CADM2: variants seen among roughly 807,000 people sequenced by gnomAD.
The protein encoded by CADM2 is immunoglobulin superfamily member 4D.
In CADM2, 12 loss-of-function variants were observed where a neutral mutation model predicts 49.8. The observed-to-expected ratio is 0.24, with a 90% CI of 0.15 to 0.39. CADM2 has a LOEUF of 0.39. CADM2 is among the 10% of genes least tolerant of loss of function. The pLI is 1.00. For synonymous variants in CADM2, 214 were observed against 175.4 expected, an observed-to-expected ratio of 1.22 and a Z score of -1.74; for missense variants, 378 against 492.3, an observed-to-expected ratio of 0.77 and a Z score of 2.20.
chr3:85,831,120 T>C (rs1437773144), intron 3 of CADM2, among the ~76,000 whole-genome samples: 2 of 151,886 alleles, frequency 1.3e-5, no homozygotes, highest in South Asian at 2.1e-4. Context: ...GTTAATTCGC[T>C]TAGGATAATG....
chr3:85,950,829 C>T (rs1723344116), intron 7 of CADM2, among the ~76,000 whole-genome samples: 1 of 151,156 alleles, frequency 6.6e-6, no homozygotes, highest in South Asian at 2.1e-4. Flanking sequence ...ACTCCTCCTA[C>T]TTGACACTAT....
chr3:85,324,470 A>C (rs541309848), intron 1 of CADM2, among the ~76,000 whole-genome samples: 1 of 152,304 alleles, frequency 6.6e-6, no homozygotes, highest in South Asian at 2.1e-4. Context: ...TGAAAAAAGT[A>C]CATCACCAAA....
At chr3:85,120,888 C>T (rs2038840764) in intron 1 of CADM2, among the ~76,000 whole-genome samples, 1 of 152,142 alleles carries the variant, frequency 6.6e-6, no homozygotes. Flanking sequence ...TGGTAAGATT[C>T]ACTCGACAAA....
intron 5 of CADM2, among the ~76,000 whole-genome samples, chr3:85,892,170 T>A (rs904961647): frequency 2.0e-5 from 3 of 152,160 alleles, no homozygotes; most frequent in African/African-American, 7.2e-5. Flanking sequence ...AACTAATGGA[T>A]GACAATGGAA....
intron 8 of CADM2, among the ~76,000 whole-genome samples, chr3:85,967,981 A>G (rs376320819): frequency 6.6e-6 from 1 of 151,554 alleles, no homozygotes; most frequent in Non-Finnish European, 1.5e-5. Context: ...CGTAATGAGC[A>G]TTTTTCCTTT....
At chr3:85,650,834 G>T (rs985925320) in intron 1 of CADM2, among the ~76,000 whole-genome samples, 2 of 150,384 alleles carry the variant, frequency 1.3e-5, no homozygotes, top group African/African-American at 4.9e-5. Context: ...CACCATAAAT[G>T]TTAATTTTCA....
intron 6 of CADM2, among the ~76,000 whole-genome samples, chr3:85,928,243 C>T (rs776057610): frequency 3.4e-4 from 52 of 151,542 alleles, no homozygotes; most frequent in East Asian, 1.2e-3. Flanking sequence ...ACTGTAACCT[C>T]CGCCTCCCGG....
At chr3:84,988,915 A>G (rs1575982395) in intron 1 of CADM2, among the ~76,000 whole-genome samples, 1 of 152,170 alleles carries the variant, frequency 6.6e-6, no homozygotes, top group Non-Finnish European at 1.5e-5. Flanking sequence ...TTATTTAAAA[A>G]ATTATTAATT....
intron 1 of CADM2, among the ~76,000 whole-genome samples, chr3:85,153,915 C>G (rs1429137381): frequency 1.3e-5 from 2 of 152,124 alleles, no homozygotes; most frequent in Non-Finnish European, 2.9e-5. Context: ...ACAGAAAGGA[C>G]ATCCACACCA....
At chr3:85,509,203 A>G (rs1157094830) in intron 1 of CADM2, among the ~76,000 whole-genome samples, 2 of 152,128 alleles carry the variant, frequency 1.3e-5, no homozygotes, top group Non-Finnish European at 2.9e-5. Flanking sequence ...CCAATCTTAA[A>G]TGCTATATCC....
intron 1 of CADM2, among the ~76,000 whole-genome samples, chr3:85,638,307 T>A (rs1202758560): frequency 6.6e-6 from 1 of 152,182 alleles, no homozygotes; most frequent in African/African-American, 2.4e-5. Flanking sequence ...AGTTGTTTAA[T>A]TCTGGACATT....
chr3:85,939,479 A>ACACACACACACACG (rs1377799119), intron 7 of CADM2, among the ~76,000 whole-genome samples: 1 of 151,022 alleles, frequency 6.6e-6, no homozygotes, highest in Middle Eastern at 3.2e-3. Flanking sequence ...ACACACACAC[A>ACACACACACACACG]CACACACACA....
chr3:85,533,826 G>A (rs542819096), intron 1 of CADM2, among the ~76,000 whole-genome samples: 5 of 152,250 alleles, frequency 3.3e-5, no homozygotes, highest in African/African-American at 7.2e-5. Flanking sequence ...TCTGGATGCC[G>A]GAAGTTAGTT....
intron 1 of CADM2, among the ~76,000 whole-genome samples, chr3:85,337,078 A>G (rs1163145842): frequency 6.9e-6 from 1 of 145,354 alleles, no homozygotes; most frequent in African/African-American, 2.5e-5. Context: ...AAAGTTGACC[A>G]TTTAAGGGAA....
chr3:85,608,168 C>G (rs1324157116), intron 1 of CADM2, among the ~76,000 whole-genome samples: 1 of 151,962 alleles, frequency 6.6e-6, no homozygotes, highest in African/African-American at 2.4e-5. Context: ...TTTACATTTT[C>G]TTAATTTATT....
intron 1 of CADM2, among the ~76,000 whole-genome samples, chr3:85,281,839 T>C (rs1171034475): frequency 2.0e-5 from 3 of 152,084 alleles, no homozygotes; most frequent in Non-Finnish European, 4.4e-5. Flanking sequence ...CAAGGCGGTA[T>C]GCAAAGAAAA....
At chr3:85,675,595 T>C (rs1372887519) in intron 1 of CADM2, among the ~76,000 whole-genome samples, 1 of 152,172 alleles carries the variant, frequency 6.6e-6, no homozygotes, top group Non-Finnish European at 1.5e-5. Context: ...CTAGATTTCA[T>C]GCCTTTCTCC....
intron 3 of CADM2, among the ~76,000 whole-genome samples, chr3:85,823,815 T>G (rs931651532): frequency 1.7e-4 from 26 of 152,126 alleles, no homozygotes; most frequent in Admixed American, 1.6e-3. Flanking sequence ...TAGCTATGCG[T>G]CAACATTTTG....
At chr3:85,285,468 G>A (rs1435330284) in intron 1 of CADM2, among the ~76,000 whole-genome samples, 1 of 152,064 alleles carries the variant, frequency 6.6e-6, no homozygotes, top group Non-Finnish European at 1.5e-5. Flanking sequence ...TCACATTCAG[G>A]AGTGAGTTAG....
Sources: allele counts gnomAD v4.1 joint callset (sites outside exome capture counted in the v4.1 genomes callset), GRCh38; gene constraint gnomAD v4.1.1; transcripts MANE v1.5; gene names NCBI Gene and HGNC (gene_info 2026-07-23, HGNC 2026-07-21).